The following PLCB1 variants were observed in gnomAD, a reference collection of about 807,000 sequenced individuals.
The protein encoded by PLCB1 is phospholipase C beta 1.
Under a neutral mutation model 161.8 loss-of-function variants are expected in PLCB1, and 46 were observed. The ratio of observed to expected loss-of-function variants is 0.28; its 90% CI spans 0.22 to 0.36. The LOEUF (loss-of-function observed/expected upper bound fraction) is 0.36, where lower values mean the gene tolerates loss of function less well. Ranked by LOEUF, PLCB1 falls within the 10% of genes least tolerant of loss-of-function variation. The pLI is 1.00. For missense variants in PLCB1, 1,016 were observed against 1,472.5 expected, an observed-to-expected ratio of 0.69 and a Z score of 5.07; for synonymous variants, 517 against 503.7, an observed-to-expected ratio of 1.03 and a Z score of -0.35.
chr20:8,328,751 T>G (rs1985252992), intron 2 of PLCB1, among the ~76,000 whole-genome samples: 1 of 152,162 alleles, frequency 6.6e-6, no homozygotes, highest in African/African-American at 2.4e-5. Context: ...TGCCTCAAAA[T>G]AAGATACCTA....
intron 3 of PLCB1, among the ~76,000 whole-genome samples, chr20:8,447,240 TA>T (rs1277483426): frequency 6.6e-6 from 1 of 152,178 alleles, no homozygotes; most frequent in Non-Finnish European, 1.5e-5. Context: ...GTGTGGCAAC[TA>T]GTTTCAAGCT....
chr20:8,860,257 C>T (rs1295842128), intron 31 of PLCB1, among the ~76,000 whole-genome samples: 1 of 152,178 alleles, frequency 6.6e-6, no homozygotes, highest in Non-Finnish European at 1.5e-5. Flanking sequence ...ATAACTATTA[C>T]AGAATAGCTC....
intron 2 of PLCB1, among the ~76,000 whole-genome samples, chr20:8,301,328 T>C (rs1600298147): frequency 6.6e-6 from 1 of 152,318 alleles, no homozygotes; most frequent in Admixed American, 6.5e-5. Context: ...AATTTAATAG[T>C]CAAATCATTT....
chr20:8,749,988 G>A (rs1047828305), intron 23 of PLCB1, among the ~76,000 whole-genome samples: 4 of 151,832 alleles, frequency 2.6e-5, no homozygotes, highest in East Asian at 1.9e-4. Context: ...CTATGTGTCA[G>A]TCACTCTGAT....
At chr20:8,146,445 C>T (rs2051455331) in intron 1 of PLCB1, among the ~76,000 whole-genome samples, 1 of 152,186 alleles carries the variant, frequency 6.6e-6, no homozygotes, top group South Asian at 2.1e-4. Flanking sequence ...GTGAAGTTCA[C>T]CACAGTGATT....
intron 4 of PLCB1, among the ~76,000 whole-genome samples, chr20:8,641,716 C>T (rs1988962497): frequency 6.6e-6 from 1 of 152,180 alleles, no homozygotes; most frequent in African/African-American, 2.4e-5. Context: ...GCCAGACCTT[C>T]TCTGGTGGTG....
Position 8,328,188 on chromosome 20 carries a change from A to T in PLCB1, c.178-43194A>T, listed in dbSNP as rs190425267. On this transcript the variant is annotated intron_variant, in intron 2 of 31. Coordinates refer to ENST00000338037, the MANE Select transcript of PLCB1 (RefSeq NM_015192.4). The stretch of plus-strand genomic sequence containing the variant: ...CTCAAAAAGTTTAGGATTTTAGAGC[A>T]TATTGGATTTTGGATTTTCAGATGA... 4.6e-5 allele frequency among the ~76,000 whole-genome samples: 7 copies of T among 152,276 alleles called. No homozygotes were observed. The East Asian group carries it at 1.4e-3, about 29-fold the overall frequency.
intron 3 of PLCB1, among the ~76,000 whole-genome samples, chr20:8,515,838 GCT>G (rs750422955): frequency 1.3e-5 from 2 of 152,168 alleles, no homozygotes; most frequent in African/African-American, 2.4e-5. Context: ...AGTTAAGGTG[GCT>G]CTGTTACACA....
intron 26 of PLCB1, among the ~76,000 whole-genome samples, chr20:8,770,833 A>C (rs113713672): frequency 6.6e-6 from 1 of 152,148 alleles, no homozygotes; most frequent in Non-Finnish European, 1.5e-5. Context: ...TTGGCCCTAA[A>C]CCATTCCCAT....
At chr20:8,864,943 G>C (rs1987376775) in intron 31 of PLCB1, among the ~76,000 whole-genome samples, 2 of 152,200 alleles carry the variant, frequency 1.3e-5, no homozygotes, top group Non-Finnish European at 2.9e-5. Flanking sequence ...TATCTGATGG[G>C]AAGATGGAAG....
At chr20:8,653,565 A>G (rs1989375075) in intron 7 of PLCB1, 2 of 152,070 alleles carry the variant, frequency 1.3e-5, no homozygotes, top group African/African-American at 4.8e-5. Flanking sequence ...GAAATTGTCC[A>G]TCAACTTGTC....
rs533919330 is a variant in PLCB1 at position 8,804,050 on chromosome 20, C to T, written c.3423+13789C>T. On this transcript the variant is annotated intron_variant, in intron 31 of 31. Coordinates refer to ENST00000338037, the MANE Select transcript of PLCB1 (RefSeq NM_015192.4). ...TCAGGTGATCCGCCTGCCTCAGGCT[C>T]CCAAAGTGCTGGGATTACACGTGTG... Among the ~76,000 whole-genome samples the T allele has an allele frequency of 7.2e-5, 11 of 152,096 alleles. No homozygotes were observed. In the East Asian group the frequency reaches 1.9e-3, roughly 27 times the overall value.
rs374059541 is a variant in PLCB1, at chr20:8,167,209, G to A, written c.177+16838G>A. Among the ~76,000 whole-genome samples, 11 of 152,292 alleles carry A rather than the reference G, an allele frequency of 7.2e-5. No individual in the cohort carries two copies. The East Asian group carries it at 1.2e-3, about 16-fold the overall frequency. ...TCACCCCCAGGGCAGATGCTTGTCT[G>A]TCTTATTGACTGCTGTATTTTCATG... On this transcript the variant is annotated intron_variant, in intron 2 of 31. Coordinates refer to ENST00000338037, the MANE Select transcript of PLCB1 (RefSeq NM_015192.4).
chr20:8,434,420 G>C (rs553029028), intron 3 of PLCB1, among the ~76,000 whole-genome samples: 140 of 152,234 alleles, frequency 9.2e-4, no homozygotes, highest in African/African-American at 3.2e-3. Context: ...AAGCATGTAA[G>C]GTCAAGAGGG....
chr20:8,788,492 A>C lies in PLCB1; in HGVS notation c.3155A>C (p.Asn1052Thr). ...LTDVAEECQN[N>T]QLKKLKEICE... Reference sequence around the variant, plus strand: ...GATGTCGCAGAAGAGTGTCAGAACAATCAGTTAAAGAAGCTCAAAGAAATC... The same window carrying C: ...GATGTCGCAGAAGAGTGTCAGAACACTCAGTTAAAGAAGCTCAAAGAAATC... Residue 1052 changes from asparagine to threonine, a missense_variant, in exon 28 of 32, where the codon AAT becomes ACT. Asn to Thr is a moderately conservative substitution (Grantham distance 65). This residue lies in a region of PLCB1 where 398 missense variants were observed against 445.4 expected (regional missense o/e 0.89). Coordinates refer to ENST00000338037, the MANE Select transcript of PLCB1 (RefSeq NM_015192.4). 1 of 1,613,838 alleles carries C rather than the reference A, an allele frequency of 6.2e-7. No individual in the cohort carries two copies.
intron 2 of PLCB1, among the ~76,000 whole-genome samples, chr20:8,291,756 G>A (rs910525863): frequency 6.6e-6 from 1 of 152,084 alleles, no homozygotes; most frequent in Non-Finnish European, 1.5e-5. Flanking sequence ...CATGGTGTAG[G>A]TACTGTCTTT....
intron 2 of PLCB1, among the ~76,000 whole-genome samples, chr20:8,239,741 A>G (rs1479312541): frequency 9.2e-5 from 14 of 152,014 alleles, no homozygotes; most frequent in Admixed American, 7.9e-4. Context: ...CACAAAGAAT[A>G]GCATTTTATT....
chr20:8,783,516 A>G (rs1232277909), intron 27 of PLCB1, among the ~76,000 whole-genome samples: 1 of 152,232 alleles, frequency 6.6e-6, no homozygotes, highest in Non-Finnish European at 1.5e-5. Context: ...TCTTGTTTAG[A>G]GATTAAGCAG....
chr20:8,214,513 C>A (rs548024152), intron 2 of PLCB1, among the ~76,000 whole-genome samples: 1 of 152,090 alleles, frequency 6.6e-6, no homozygotes, highest in African/African-American at 2.4e-5. Context: ...GCTTTCTGTA[C>A]CGGCTGCAGA....
Sources: allele counts gnomAD v4.1 joint callset (sites outside exome capture counted in the v4.1 genomes callset), GRCh38; gene constraint gnomAD v4.1.1; regional missense constraint gnomAD v4.1.1; transcripts MANE v1.5; gene names NCBI Gene and HGNC (gene_info 2026-07-23, HGNC 2026-07-21).